Variants in ATP13A4 observed in about 807,000 individuals in gnomAD.
The protein encoded by ATP13A4 is probable cation-transporting ATPase 13A4.
A neutral mutation model predicts 142.5 loss-of-function variants in ATP13A4; 114 were observed. That is an observed-to-expected ratio of 0.80 (90% CI 0.69 to 0.93). The LOEUF (loss-of-function observed/expected upper bound fraction) is 0.93, where lower values mean the gene tolerates loss of function less well. ATP13A4 is among the 40% of genes least tolerant of loss of function. The pLI is 0.00. For missense variants in ATP13A4, 1,392 were observed against 1,454.0 expected, an observed-to-expected ratio of 0.96 and a Z score of 0.69; for synonymous variants, 488 against 514.8, an observed-to-expected ratio of 0.95 and a Z score of 0.70.
At chr3:193,449,490 A>C (rs1717144767) in intron 17 of ATP13A4, among the ~76,000 whole-genome samples, 1 of 152,230 alleles carries the variant, frequency 6.6e-6, no homozygotes, top group African/African-American at 2.4e-5. Context: ...AAGTGGACAC[A>C]GTTTGAACTA....
rs1280395048 is a variant in ATP13A4 at position 193,489,861 on chromosome 3, G to T, written c.607C>A (p.Leu203Ile). Residue 203 changes from leucine to isoleucine, a missense_variant, in exon 7 of 30, where the codon CTA becomes ATA. Transcript: ENST00000342695. ...AGTTGAAATATATAAAATGGATTTA[G>T]AACCTGTTGGCAGACATAAAAACAG... ...PIWKLLIKEV[L>I]NPFYIFQLFS... 1 of 1,612,566 alleles carries T rather than the reference G, an allele frequency of 6.2e-7. No homozygotes were observed. The highest frequency in any genetic ancestry group is 8.5e-7 in the Non-Finnish European group (1 of 1,179,098).
chr3:193,406,867 GA>G (rs1418742146), intron 29 of ATP13A4, among the ~76,000 whole-genome samples: 1 of 152,184 alleles, frequency 6.6e-6, no homozygotes, highest in Non-Finnish European at 1.5e-5. Context: ...GGGCAATGAA[GA>G]GCAACGGCTA....
At chr3:193,519,238 A>C (rs569666023) in intron 1 of ATP13A4, among the ~76,000 whole-genome samples, 1 of 152,336 alleles carries the variant, frequency 6.6e-6, no homozygotes, top group East Asian at 1.9e-4. Context: ...AAGAGGATTG[A>C]CACTTAATAC....
intron 1 of ATP13A4, among the ~76,000 whole-genome samples, chr3:193,548,253 A>AT (rs1326404977): frequency 6.6e-6 from 1 of 152,206 alleles, no homozygotes; most frequent in African/African-American, 2.4e-5. Flanking sequence ...TGTTCTCAGA[A>AT]TGCAAAATTG....
intron 1 of ATP13A4, among the ~76,000 whole-genome samples, chr3:193,528,991 G>A (rs1722165179): frequency 1.3e-5 from 2 of 152,136 alleles, no homozygotes; most frequent in South Asian, 4.1e-4. Flanking sequence ...ATTTGGCAGG[G>A]CCAGGCACAG....
intron 1 of ATP13A4, among the ~76,000 whole-genome samples, chr3:193,527,643 C>G (rs923386843): frequency 2.6e-5 from 4 of 151,846 alleles, no homozygotes; most frequent in South Asian, 2.1e-4. Flanking sequence ...CACTTCCCCC[C>G]TCCCCTGCCT....
rs1471542505 is a variant in ATP13A4 at position 193,573,297 on chromosome 3, A to T, written n.291+8410T>A. The stretch of plus-strand genomic sequence containing the variant: ...TATACATATATATATATACACATAT[A>T]TATATATATACATATATATATATAT... On this transcript the variant is annotated intron_variant and non_coding_transcript_variant, in intron 2 of 3. Transcript: ENST00000489140. 6.2e-4 allele frequency among the ~76,000 whole-genome samples: 68 copies of T among 108,870 alleles called. 2 individuals are homozygous for T. Among genetic ancestry groups the T allele is most frequent in the South Asian group, 1.3e-3 (5 of 3,726 alleles). 71.4% of individuals were successfully genotyped at this position (108,870 alleles called of 152,430 possible). A position where few individuals can be genotyped will look rare whatever the true frequency, so the allele number is the denominator to read the frequency against.
chr3:193,547,170 T>C (rs961067632), intron 1 of ATP13A4, among the ~76,000 whole-genome samples: 1 of 152,246 alleles, frequency 6.6e-6, no homozygotes, highest in Non-Finnish European at 1.5e-5. Flanking sequence ...CATTTTTTAC[T>C]CAGCGTCCTG....
intron 15 of ATP13A4, 79 bp downstream of exon 15, chr3:193,457,300 T>C (rs1717677640): frequency 1.3e-6 from 2 of 1,581,008 alleles, no homozygotes; most frequent in Non-Finnish European, 1.7e-6. Flanking sequence ...GACACATCTG[T>C]GACCTTTCAA....
intron 25 of ATP13A4, 88 bp from the exon 26 acceptor site, chr3:193,414,838 A>G (rs1334289672): frequency 3.1e-6 from 4 of 1,299,066 alleles, no homozygotes; most frequent in Non-Finnish European, 4.4e-6. Context: ...TGGCCCATAC[A>G]TTTGAGGAAA....
At chr3:193,536,774 A>G (rs1431710397) in intron 1 of ATP13A4, among the ~76,000 whole-genome samples, 1 of 152,120 alleles carries the variant, frequency 6.6e-6, no homozygotes, top group African/African-American at 2.4e-5. Context: ...TAGCAGTTAC[A>G]GGATACAACA....
chr3:193,460,178 C>G (rs1167792200), intron 13 of ATP13A4, among the ~76,000 whole-genome samples: 1 of 152,218 alleles, frequency 6.6e-6, no homozygotes, highest in African/African-American at 2.4e-5. Context: ...TTCACCCTCT[C>G]TCCCTCTGGT....
chr3:193,555,409 C>T (rs982727110), upstream of ATP13A4, among the ~76,000 whole-genome samples: 7 of 152,148 alleles, frequency 4.6e-5, no homozygotes, highest in African/African-American at 1.7e-4. Flanking sequence ...AATCACATTT[C>T]CTTGTATATG....
intron 1 of ATP13A4, among the ~76,000 whole-genome samples, chr3:193,584,113 T>C (rs1378640812): frequency 9.9e-5 from 15 of 152,182 alleles, no homozygotes; most frequent in Admixed American, 9.8e-4. Flanking sequence ...TGAATCCTAA[T>C]CAGAAGCTGT....
chr3:193,476,350 T>G (rs890079083), intron 8 of ATP13A4, among the ~76,000 whole-genome samples: 2 of 152,108 alleles, frequency 1.3e-5, no homozygotes, highest in African/African-American at 4.8e-5. Flanking sequence ...TTCTGTAGTT[T>G]TCTTACCTCT....
intron 25 of ATP13A4, among the ~76,000 whole-genome samples, chr3:193,418,258 G>T (rs1438614454): frequency 1.4e-5 from 2 of 144,342 alleles, no homozygotes; most frequent in African/African-American, 2.6e-5. Context: ...GCCAGAGCCT[G>T]CAGTGAGCCG....
chr3:193,447,854 C>T (rs987668731), intron 18 of ATP13A4, among the ~76,000 whole-genome samples: 1 of 152,166 alleles, frequency 6.6e-6, no homozygotes, highest in African/African-American at 2.4e-5. Flanking sequence ...ATAAAAATCA[C>T]CTTTGCCTGA....
chr3:193,453,991 G>C (rs1184835509), intron 17 of ATP13A4, 110 bp downstream of exon 17: 19 of 889,366 alleles, frequency 2.1e-5, no homozygotes, highest in Non-Finnish European at 2.6e-5. Flanking sequence ...ACATTGCTCT[G>C]TCCACCACCC....
chr3:193,590,397 A>G (rs191643539), intron 1 of ATP13A4, among the ~76,000 whole-genome samples: 18 of 152,322 alleles, frequency 1.2e-4, no homozygotes, highest in African/African-American at 4.3e-4. Flanking sequence ...AAGCAGTCTT[A>G]GATTCTATAG....
Sources: gnomAD v4.1 joint callset for allele counts (sites outside exome capture counted in the v4.1 genomes callset) on GRCh38, gnomAD v4.1.1 for gene constraint, MANE v1.5 for transcripts, NCBI Gene and HGNC (gene_info 2026-07-23, HGNC 2026-07-21) for gene names.